Variants in LYPLAL1 observed in about 807,000 individuals in gnomAD.
LYPLAL1 encodes lysophospholipase-like protein 1.
In LYPLAL1, 23 loss-of-function variants were observed where a neutral mutation model predicts 19.7. The ratio of observed to expected loss-of-function variants is 1.17; its 90% CI spans 0.84 to 1.65. The LOEUF (loss-of-function observed/expected upper bound fraction) is 1.65, where lower values mean the gene tolerates loss of function less well. LYPLAL1 is among the 40% of genes most tolerant of loss of function. The pLI, the probability that LYPLAL1 is intolerant of heterozygous loss-of-function variation, is 0.00. For synonymous variants in LYPLAL1, 119 were observed against 96.3 expected (o/e 1.24, Z -1.38); for missense variants, 355 against 279.4 (o/e 1.27, Z -1.93).
At chr1:219,281,163 G>GCCCT in the LYPLAL1 span, among the ~76,000 whole-genome samples, 1 of 152,114 alleles carries the variant, frequency 6.6e-6, no homozygotes, top group African/African-American at 2.4e-5. Context: ...GATTAGGATG[G>GCCCT]GCTTGGCAGT....
chr1:219,366,788 A>G, the LYPLAL1 span, among the ~76,000 whole-genome samples: 5 of 152,104 alleles, frequency 3.3e-5, no homozygotes, highest in Non-Finnish European at 7.4e-5. Context: ...AGGATAACAT[A>G]TACTTAGGAC....
downstream of LYPLAL1, among the ~76,000 whole-genome samples, chr1:219,216,326 C>CT (rs1388978575): frequency 2.0e-5 from 3 of 152,002 alleles, no homozygotes; most frequent in Non-Finnish European, 4.4e-5. Flanking sequence ...CATGTGAGCT[C>CT]TATCTTGTTA....
the LYPLAL1 span, among the ~76,000 whole-genome samples, chr1:219,243,220 T>C: frequency 6.6e-6 from 1 of 152,202 alleles, no homozygotes; most frequent in Non-Finnish European, 1.5e-5. Context: ...TGTTTATACA[T>C]AATTTTTAAT....
chr1:219,444,566 T>C, the LYPLAL1 span, among the ~76,000 whole-genome samples: 106,448 of 152,202 alleles, frequency 0.7, 37,482 homozygotes, highest in Non-Finnish European at 0.73. Flanking sequence ...TTTTGAAATA[T>C]TGAAACAGTT....
intron 3 of LYPLAL1, among the ~76,000 whole-genome samples, chr1:219,209,309 A>C (rs1402895112): frequency 1.3e-5 from 2 of 152,098 alleles, no homozygotes; most frequent in East Asian, 3.8e-4. Context: ...TTGTGTTCTG[A>C]GTCCAAAATA....
At chr1:219,309,666 C>CTTACA in the LYPLAL1 span, among the ~76,000 whole-genome samples, 1 of 152,170 alleles carries the variant, frequency 6.6e-6, no homozygotes, top group Non-Finnish European at 1.5e-5. Context: ...TCCTCATTTT[C>CTTACA]TGTCGCCTTC....
At chr1:219,241,745 A>G in the LYPLAL1 span, among the ~76,000 whole-genome samples, 1 of 152,230 alleles carries the variant, frequency 6.6e-6, no homozygotes. Context: ...GAAAATCCAT[A>G]TAGAGAGTTT....
the LYPLAL1 span, among the ~76,000 whole-genome samples, chr1:219,298,639 G>T: frequency 2.0e-5 from 3 of 152,154 alleles, no homozygotes; most frequent in Non-Finnish European, 4.4e-5. Flanking sequence ...TCGCCAGGCA[G>T]GCCTCTGACA....
the LYPLAL1 span, among the ~76,000 whole-genome samples, chr1:219,333,246 A>G: frequency 2.8e-4 from 43 of 152,196 alleles, no homozygotes; most frequent in East Asian, 7.9e-3. Context: ...CATATAACAC[A>G]ACAAAGTCCC....
chr1:219,249,966 C>T, the LYPLAL1 span, among the ~76,000 whole-genome samples: 2 of 151,952 alleles, frequency 1.3e-5, no homozygotes, highest in African/African-American at 4.8e-5. Context: ...GTCTCCCATT[C>T]TTTGCTTTTT....
downstream of LYPLAL1, among the ~76,000 whole-genome samples, chr1:219,215,643 A>T (rs75313899): frequency 4.5e-3 from 690 of 152,186 alleles, 5 homozygotes; most frequent in South Asian, 0.023. Context: ...AGCCAGCTTG[A>T]TCTACTCAGA....
chr1:219,221,001 G>C, the LYPLAL1 span, among the ~76,000 whole-genome samples: 1 of 152,132 alleles, frequency 6.6e-6, no homozygotes, highest in Non-Finnish European at 1.5e-5. Flanking sequence ...AGAAACATAT[G>C]GTCAATGTCA....
the LYPLAL1 span, among the ~76,000 whole-genome samples, chr1:219,308,168 A>G: frequency 1.3e-5 from 2 of 152,152 alleles, no homozygotes; most frequent in South Asian, 2.1e-4. Context: ...CCTGCCCTAG[A>G]GATTTATGGA....
chr1:219,246,453 G>C, the LYPLAL1 span, among the ~76,000 whole-genome samples: 3 of 152,100 alleles, frequency 2.0e-5, no homozygotes, highest in African/African-American at 7.2e-5. Context: ...CATGAGAGGA[G>C]AGGAAAAAAG....
the LYPLAL1 span, among the ~76,000 whole-genome samples, chr1:219,365,761 C>A: frequency 6.6e-6 from 1 of 152,110 alleles, no homozygotes; most frequent in Non-Finnish European, 1.5e-5. Context: ...GGGTCCAACA[C>A]CTCCCAGGAC....
At chr1:219,409,655 C>G in the LYPLAL1 span, 1 of 152,168 alleles carries the variant, frequency 6.6e-6, no homozygotes, top group Admixed American at 6.5e-5. Flanking sequence ...TGAGATGGGT[C>G]TCTTCAAATG....
At chr1:219,375,781 G>A in the LYPLAL1 span, among the ~76,000 whole-genome samples, 2 of 140,448 alleles carry the variant, frequency 1.4e-5, no homozygotes, top group South Asian at 2.2e-4. Flanking sequence ...TCGCTCTGTC[G>A]TCCAGGCTGG....
rs894955980 is a variant in LYPLAL1 at position 219,212,308 on chromosome 1, C to T, written c.*580C>T. On this transcript the variant is annotated 3_prime_UTR_variant, in exon 5 of 5. Transcript: ENST00000366928. ...TCAGGTCTCCTAATTCTCAGTGGAG[C>T]TCTATTTCTGTTAACCCAAATTGCT... The T allele has an allele frequency of 6.6e-6, 1 of 152,042 alleles. No individual in the cohort carries two copies. Among genetic ancestry groups the T allele is most frequent in the African/African-American group, 2.4e-5 (1 of 41,422 alleles). The allele number at this position is 152,042 out of a possible 1,614,324, so 9.4% of individuals were successfully genotyped here.
At chr1:219,323,333 G>A in the LYPLAL1 span, among the ~76,000 whole-genome samples, 1 of 152,174 alleles carries the variant, frequency 6.6e-6, no homozygotes, top group African/African-American at 2.4e-5. Flanking sequence ...TCAGACCCTT[G>A]TAAAGACTTC....
Sources: gnomAD v4.1 joint callset for allele counts (sites outside exome capture counted in the v4.1 genomes callset) on GRCh38, gnomAD v4.1.1 for gene constraint, MANE v1.5 for transcripts, NCBI Gene and HGNC (gene_info 2026-07-23, HGNC 2026-07-21) for gene names.